Variants in ZNF704 observed in about 807,000 individuals in gnomAD.
ZNF704 encodes zinc finger protein 704.
In ZNF704, 10 loss-of-function variants were observed where a neutral mutation model predicts 44.7. That is an observed-to-expected ratio of 0.22 (90% confidence interval 0.14 to 0.38). ZNF704 has a LOEUF of 0.38. Ranked by LOEUF, ZNF704 falls within the 10% of genes least tolerant of loss-of-function variation. ZNF704 has a pLI of 1.00. For synonymous variants in ZNF704, 211 were observed against 207.6 expected (o/e 1.02, Z -0.14); for missense variants, 390 against 545.5 (o/e 0.71, Z 2.84).
chr8:80,810,902 C>A (rs1808070565), intron 2 of ZNF704, among the ~76,000 whole-genome samples: 1 of 152,140 alleles, frequency 6.6e-6, no homozygotes, highest in Admixed American at 6.5e-5. Flanking sequence ...ACCGTGGATG[C>A]TCCTCCCCGC....
chr8:80,696,714 G>A (rs746845436), intron 2 of ZNF704, among the ~76,000 whole-genome samples: 3 of 152,156 alleles, frequency 2.0e-5, no homozygotes, highest in Non-Finnish European at 4.4e-5. Flanking sequence ...CAATGCGCCC[G>A]GCCAGATTTC....
intron 2 of ZNF704, among the ~76,000 whole-genome samples, chr8:80,702,203 A>T (rs1173355044): frequency 6.6e-6 from 1 of 152,220 alleles, no homozygotes; most frequent in African/African-American, 2.4e-5. Flanking sequence ...GCTGGGTGCA[A>T]GCATGCTTGT....
chr8:80,872,819 T>TGC (rs1047269594), intron 1 of ZNF704, among the ~76,000 whole-genome samples: 27 of 152,148 alleles, frequency 1.8e-4, no homozygotes, highest in Non-Finnish European at 3.4e-4. Context: ...CCAATTTAAA[T>TGC]GCTACCCCCC....
Position 80,755,312 on chromosome 8 carries a change from A to G in ZNF704, c.222-62205T>C, listed in dbSNP as rs113464149. ...AAACCCTGTCTCTACTAAATTAGCC[A>G]CGTGTGGTGGTGGGTGCCTGTAATC... On this transcript the variant is annotated intron_variant, in intron 2 of 8. Coordinates refer to ENST00000327835, the MANE Select transcript of ZNF704 (RefSeq NM_001033723.3). 3.1e-3 allele frequency among the ~76,000 whole-genome samples: 474 copies of G among 152,248 alleles called. 4 individuals are homozygous for G. Among genetic ancestry groups the G allele is most frequent in the African/African-American group, 0.011 (443 of 41,562 alleles).
At chr8:80,777,088 GTGTT>G (rs1411129912) in intron 2 of ZNF704, 1 of 152,028 alleles carries the variant, frequency 6.6e-6, no homozygotes, top group Non-Finnish European at 1.5e-5. Flanking sequence ...AATTAGTTCA[GTGTT>G]TGGAGAGGAA....
intron 4 of ZNF704, among the ~76,000 whole-genome samples, chr8:80,674,865 A>T (rs550885671): frequency 6.6e-6 from 1 of 152,248 alleles, no homozygotes; most frequent in African/African-American, 2.4e-5. Flanking sequence ...CTTCCACTTA[A>T]GAGAACCAAT....
intron 2 of ZNF704, among the ~76,000 whole-genome samples, chr8:80,745,803 C>A (rs979695150): frequency 1.3e-5 from 2 of 152,126 alleles, no homozygotes; most frequent in African/African-American, 4.8e-5. Flanking sequence ...AAACTTTGTA[C>A]TTCAAAATGA....
At chr8:80,866,726 G>GT in intron 1 of ZNF704, among the ~76,000 whole-genome samples, 1 of 152,186 alleles carries the variant, frequency 6.6e-6, no homozygotes, top group Admixed American at 6.5e-5. Flanking sequence ...GGGGTTGGGG[G>GT]GGGGATACAT....
chr8:80,643,516 CAAAAAAAAAA>C (rs1174433192), intron 7 of ZNF704, among the ~76,000 whole-genome samples: 18 of 23,392 alleles, frequency 7.7e-4, no homozygotes, highest in Admixed American at 3.4e-3. Context: ...GATCCTGTCT[CAAAAAAAAAA>C]AAAAAAAAAA....
At chr8:80,810,928 C>T (rs912305086) in intron 2 of ZNF704, among the ~76,000 whole-genome samples, 3 of 152,182 alleles carry the variant, frequency 2.0e-5, no homozygotes, top group Non-Finnish European at 2.9e-5. Flanking sequence ...CAACCCTCAA[C>T]AAACACTGCC....
intron 2 of ZNF704, among the ~76,000 whole-genome samples, chr8:80,785,451 T>C (rs1176787556): frequency 6.6e-6 from 1 of 152,222 alleles, no homozygotes; most frequent in Non-Finnish European, 1.5e-5. Flanking sequence ...TCTACTTCCT[T>C]GAGGTGGGAG....
Position 80,662,181 on chromosome 8 carries a change from C to T in ZNF704, c.928-2492G>A, listed in dbSNP as rs77281597. ...ATAAAATACAGTAAAAACAGTTCTG[C>T]AACAGATCCCTTTTAAAAACTGCAA... is the stretch of plus-strand genomic sequence containing the variant. On this transcript the variant is annotated intron_variant, in intron 6 of 8. Coordinates refer to ENST00000327835, the MANE Select transcript of ZNF704 (RefSeq NM_001033723.3). 1.1e-3 allele frequency among the ~76,000 whole-genome samples: 166 copies of T among 152,208 alleles called. 1 individual carries two copies. Among genetic ancestry groups the T allele is most frequent in the Non-Finnish European group, 1.9e-3 (131 of 68,002 alleles).
chr8:80,794,939 A>G (rs1807772595), intron 2 of ZNF704, among the ~76,000 whole-genome samples: 1 of 152,340 alleles, frequency 6.6e-6, no homozygotes, highest in South Asian at 2.1e-4. Flanking sequence ...ACAAAAACAA[A>G]TGGCCACAGT....
chr8:80,732,266 T>G (rs1806594236), intron 2 of ZNF704, among the ~76,000 whole-genome samples: 1 of 152,204 alleles, frequency 6.6e-6, no homozygotes, highest in African/African-American at 2.4e-5. Flanking sequence ...TATTCCCCTT[T>G]CCTGGTTACT....
intron 2 of ZNF704, among the ~76,000 whole-genome samples, chr8:80,757,331 A>T (rs1353021914): frequency 6.6e-6 from 1 of 152,172 alleles, no homozygotes; most frequent in African/African-American, 2.4e-5. Context: ...AAAAGGTTTA[A>T]AATGTAAAAA....
chr8:80,759,341 G>T (rs1807090322), intron 2 of ZNF704, among the ~76,000 whole-genome samples: 1 of 150,874 alleles, frequency 6.6e-6, no homozygotes, highest in Non-Finnish European at 1.5e-5. Flanking sequence ...GCTTTGGACT[G>T]GGTGAGTAAT....
chr8:80,849,444 T>G (rs1167556498), intron 1 of ZNF704, among the ~76,000 whole-genome samples: 1 of 152,170 alleles, frequency 6.6e-6, no homozygotes, highest in East Asian at 1.9e-4. Flanking sequence ...GGTCCTTTTC[T>G]TCACAGAAAT....
chr8:80,729,654 C>T (rs1362915473), intron 2 of ZNF704, among the ~76,000 whole-genome samples: 2 of 152,278 alleles, frequency 1.3e-5, no homozygotes, highest in Admixed American at 6.5e-5. Context: ...CCAATCCACC[C>T]ACTCCTGCAG....
At chr8:80,773,439 C>T (rs1439613642) in intron 2 of ZNF704, among the ~76,000 whole-genome samples, 2 of 152,152 alleles carry the variant, frequency 1.3e-5, no homozygotes, top group Non-Finnish European at 2.9e-5. Flanking sequence ...AATATTTCCT[C>T]TATGCACATT....
Sources: gnomAD v4.1 joint callset for allele counts (sites outside exome capture counted in the v4.1 genomes callset) on GRCh38, gnomAD v4.1.1 for gene constraint, MANE v1.5 for transcripts, NCBI Gene and HGNC (gene_info 2026-07-23, HGNC 2026-07-21) for gene names.